Variants in SHROOM4 observed in about 807,000 individuals in gnomAD.
SHROOM4 encodes the protein protein Shroom4.
A neutral mutation model predicts 80.3 loss-of-function variants in SHROOM4; 17 were observed. That is an observed-to-expected ratio of 0.21 (90% CI 0.14 to 0.32). The LOEUF (loss-of-function observed/expected upper bound fraction) is 0.32. Ranked by LOEUF, SHROOM4 falls within the 10% of genes least tolerant of loss-of-function variation. The pLI is 1.00. For missense variants in SHROOM4, 993 were observed against 1,140.3 expected (o/e 0.87, Z 1.86); for synonymous variants, 400 against 437.5 (o/e 0.91, Z 1.07).
At position 50,634,014 on chromosome X, in the gene SHROOM4, G is replaced by T. The variant is rs1931202894; in HGVS notation, c.2059C>A (p.Pro687Thr). 1 of 1,210,082 alleles carries T rather than the reference G, an allele frequency of 8.3e-7. No homozygotes were observed. The highest frequency in any genetic ancestry group is 2.2e-5 in the Admixed American group (1 of 45,888). Residue 687 changes from proline (P) to threonine (T), a missense_variant, in exon 4 of 9, where the codon CCT becomes ACT. By Grantham distance (38) the Pro-to-Thr change is conservative. Coordinates refer to ENST00000376020, the MANE Select transcript of SHROOM4 (RefSeq NM_020717.5). ...SRTGLEGRIS[P>T]GQRPGQSSLG... is the part of the protein sequence containing the mutation. Reference sequence around the variant, plus strand: ...GAGGACTGGCCAGGCCTCTGGCCAGGGCTTATTCGTCCCTCTAAGCCTGTC... The same window carrying T: ...GAGGACTGGCCAGGCCTCTGGCCAGTGCTTATTCGTCCCTCTAAGCCTGTC...
At chrX:50,754,940 A>C (rs1444302335) in intron 1 of SHROOM4, among the ~76,000 whole-genome samples, 1 of 112,231 alleles carries the variant, frequency 8.9e-6, no homozygotes, top group Non-Finnish European at 1.9e-5. Context: ...GTGCACTGTG[A>C]CTTCAGGCAG....
chrX:50,607,266 TG>T, intron 6 of SHROOM4, 114 bp downstream of exon 6: 1 of 746,167 alleles, frequency 1.3e-6, no homozygotes, highest in Non-Finnish European at 2.0e-6. Flanking sequence ...AAACTGAGGC[TG>T]GGAGCAGTTT....
rs1371049820 is a variant in SHROOM4 at position 50,590,237 on chromosome X, G to A, written c.*6458C>T. Among the ~76,000 whole-genome samples the A allele has an allele frequency of 9.0e-6, 1 of 110,600 alleles. No homozygotes were observed. On this transcript the variant is annotated 3_prime_UTR_variant, in exon 9 of 9. Coordinates refer to ENST00000376020, the MANE Select transcript of SHROOM4 (RefSeq NM_020717.5). ...AATTATAATGCCCTTATAAGAAGGG[G>A]AAGAGACCAGATCCCTTTCTTTTTT... is the stretch of plus-strand genomic sequence containing the variant.
chrX:50,625,906 T>TCTG (rs1930779460), intron 5 of SHROOM4, among the ~76,000 whole-genome samples: 1 of 112,468 alleles, frequency 8.9e-6, no homozygotes, highest in Admixed American at 9.4e-5. Flanking sequence ...ACCTTTCTTC[T>TCTG]CTGCTGCTGC....
chrX:50,789,926 C>T (rs2147698386), intron 1 of SHROOM4, among the ~76,000 whole-genome samples: 1 of 111,896 alleles, frequency 8.9e-6, no homozygotes, highest in African/African-American at 3.2e-5. Context: ...TTACACAAAC[C>T]TAGATGGTAT....
intron 2 of SHROOM4, among the ~76,000 whole-genome samples, chrX:50,648,777 T>C (rs1463774719): frequency 8.9e-6 from 1 of 112,154 alleles, no homozygotes; most frequent in Non-Finnish European, 1.9e-5. Context: ...ACAGTTTTTA[T>C]AAGGCACAGA....
intron 1 of SHROOM4, among the ~76,000 whole-genome samples, chrX:50,782,115 G>A (rs1935639874): frequency 9.0e-6 from 1 of 110,580 alleles, no homozygotes; most frequent in Non-Finnish European, 1.9e-5. Flanking sequence ...AGGCTAAGTT[G>A]GGAGAATAGC....
chrX:50,669,454 C>T (rs1228161567), intron 2 of SHROOM4, among the ~76,000 whole-genome samples: 1 of 110,721 alleles, frequency 9.0e-6, no homozygotes, highest in Non-Finnish European at 1.9e-5. Flanking sequence ...TTCAGACATG[C>T]CACCACACCC....
intron 1 of SHROOM4, among the ~76,000 whole-genome samples, chrX:50,740,845 C>G (rs1934637865): frequency 1.8e-5 from 2 of 112,172 alleles, no homozygotes; most frequent in African/African-American, 6.5e-5. Context: ...CTATTGTCTG[C>G]TCTTTTGGGG....
chrX:50,724,141 G>T (rs1402406200), intron 1 of SHROOM4, among the ~76,000 whole-genome samples: 2 of 110,967 alleles, frequency 1.8e-5, no homozygotes, highest in Non-Finnish European at 3.8e-5. Flanking sequence ...CCATCCCACA[G>T]CACTAAAGCC....
chrX:50,799,948 A>G (rs1191971836), intron 1 of SHROOM4, among the ~76,000 whole-genome samples: 1 of 112,339 alleles, frequency 8.9e-6, no homozygotes, highest in Non-Finnish European at 1.9e-5. Flanking sequence ...CAGGAACTCC[A>G]GCAGCAGCAT....
chrX:50,803,618 A>G (rs112025007), intron 1 of SHROOM4, among the ~76,000 whole-genome samples: 3,326 of 111,815 alleles, frequency 0.03, 53 homozygotes, highest in Middle Eastern at 0.069. Context: ...TCAGCCCACA[A>G]TGAAATCTCT....
chrX:50,752,699 G>C (rs1019828261), intron 1 of SHROOM4, among the ~76,000 whole-genome samples: 1 of 111,960 alleles, frequency 8.9e-6, no homozygotes, highest in Non-Finnish European at 1.9e-5. Context: ...TTCCAGGTTG[G>C]AATCCTCATT....
chrX:50,634,430 C>T lies in SHROOM4; in HGVS notation c.1643G>A (p.Ser548Asn). 8.3e-7 allele frequency: 1 copy of T among 1,211,721 alleles called. No homozygotes were observed. Among genetic ancestry groups the T allele is most frequent in the Non-Finnish European group, 1.1e-6 (1 of 895,493 alleles). The change falls in exon 4 of 9, where the codon AGT (serine) becomes AAT (asparagine). Residue 548 changes from serine (S) to asparagine (N), a missense_variant. Coordinates refer to ENST00000376020, the MANE Select transcript of SHROOM4 (RefSeq NM_020717.5). ...CCCTTCTTCACCTGCCTCTGTGCCACTAGCTGCTTTAGTGGTTGAAGAACA... is the reference window on the plus strand; with the variant it reads ...CCCTTCTTCACCTGCCTCTGTGCCATTAGCTGCTTTAGTGGTTGAAGAACA... ...TDCSSTTKAA[S>N]GTEAGEEGDS...
downstream of SHROOM4, among the ~76,000 whole-genome samples, chrX:50,581,928 A>T (rs1928674937): frequency 9.0e-6 from 1 of 111,144 alleles, no homozygotes; most frequent in South Asian, 3.9e-4. Flanking sequence ...CCTCTACCAC[A>T]TATCTTATAC....
chrX:50,578,692 G>A, the SHROOM4 span, among the ~76,000 whole-genome samples: 1 of 111,365 alleles, frequency 9.0e-6, no homozygotes, highest in Non-Finnish European at 1.9e-5. Flanking sequence ...CACCCACCTC[G>A]GCCTCCCAAA....
At chrX:50,644,953 T>C (rs1466755944) in intron 2 of SHROOM4, among the ~76,000 whole-genome samples, 1 of 112,338 alleles carries the variant, frequency 8.9e-6, no homozygotes, top group Non-Finnish European at 1.9e-5. Context: ...GTTTTTAATA[T>C]TACCCGTATG....
intron 1 of SHROOM4, among the ~76,000 whole-genome samples, chrX:50,745,587 A>AC (rs782023012): frequency 9.0e-6 from 1 of 111,373 alleles, no homozygotes; most frequent in East Asian, 2.8e-4. Flanking sequence ...CGGAATGGGA[A>AC]CCCCCAATCT....
At chrX:50,764,028 GT>G (rs781821077) in intron 1 of SHROOM4, among the ~76,000 whole-genome samples, 2 of 111,676 alleles carry the variant, frequency 1.8e-5, no homozygotes, top group Non-Finnish European at 3.8e-5. Flanking sequence ...GATCTCTACC[GT>G]TTTTGAAAAC....
Sources: allele counts gnomAD v4.1 joint callset (sites outside exome capture counted in the v4.1 genomes callset), GRCh38; gene constraint gnomAD v4.1.1; transcripts MANE v1.5; gene names NCBI Gene and HGNC (gene_info 2026-07-23, HGNC 2026-07-21).